The following TMEFF2 variants were observed in gnomAD, a reference collection of about 807,000 sequenced individuals.
TMEFF2 encodes the protein tomoregulin-2.
A neutral mutation model predicts 53.8 loss-of-function variants in TMEFF2; 28 were observed. The ratio of observed to expected loss-of-function variants is 0.52; its 90% CI spans 0.39 to 0.71. The LOEUF (loss-of-function observed/expected upper bound fraction) is 0.71. Among genes scored for constraint, TMEFF2 ranks in the 30% least tolerant of loss-of-function variants. The probability of loss-of-function intolerance (pLI) is 0.00; values close to 1 mark genes in which losing one functional copy is unlikely to be tolerated. For missense variants in TMEFF2, 353 were observed against 455.2 expected, an observed-to-expected ratio of 0.78 and a Z score of 2.04; for synonymous variants, 162 against 166.3, an observed-to-expected ratio of 0.97 and a Z score of 0.20.
intron 9 of TMEFF2, among the ~76,000 whole-genome samples, chr2:191,952,836 G>A (rs1330621624): frequency 6.6e-6 from 1 of 152,188 alleles, no homozygotes; most frequent in Non-Finnish European, 1.5e-5. Context: ...CTGGAGAGCT[G>A]CACAAATGAA....
At chr2:191,966,791 C>T (rs548326262) in intron 7 of TMEFF2, among the ~76,000 whole-genome samples, 2 of 152,228 alleles carry the variant, frequency 1.3e-5, no homozygotes, top group South Asian at 4.1e-4. Flanking sequence ...CTAAACACCA[C>T]AATTAGCAGC....
At chr2:192,128,626 G>A (rs1247237626) in intron 4 of TMEFF2, among the ~76,000 whole-genome samples, 1 of 152,172 alleles carries the variant, frequency 6.6e-6, no homozygotes, top group Admixed American at 6.5e-5. Context: ...GGAAGAAAGT[G>A]CTGGAACAGT....
intron 5 of TMEFF2, among the ~76,000 whole-genome samples, chr2:192,000,464 C>G (rs1436035659): frequency 2.0e-5 from 3 of 152,214 alleles, no homozygotes; most frequent in Admixed American, 6.5e-5. Context: ...AACCCCCTCT[C>G]TCTAATACCA....
At chr2:192,076,558 C>G (rs975145045) in intron 4 of TMEFF2, among the ~76,000 whole-genome samples, 1 of 152,124 alleles carries the variant, frequency 6.6e-6, no homozygotes, top group Non-Finnish European at 1.5e-5. Flanking sequence ...TAAATAAAGT[C>G]CCTGTCACTA....
chr2:191,953,199 A>G (rs2105783870), intron 9 of TMEFF2, among the ~76,000 whole-genome samples: 1 of 152,274 alleles, frequency 6.6e-6, no homozygotes, highest in East Asian at 1.9e-4. Flanking sequence ...GGAAACAATT[A>G]CCTTTTGATT....
intron 7 of TMEFF2, among the ~76,000 whole-genome samples, chr2:191,972,308 CTTTT>C (rs764218539): frequency 2.7e-5 from 2 of 72,824 alleles, no homozygotes; most frequent in Non-Finnish European, 5.3e-5. Context: ...TCATGCCCAG[CTTTT>C]TTTTTTTTTT....
chr2:192,119,737 T>C (rs7570559), intron 4 of TMEFF2, among the ~76,000 whole-genome samples: 149,235 of 152,324 alleles, frequency 0.98, 73,170 homozygotes, highest in Middle Eastern at 1. Flanking sequence ...TTGTTTCTAA[T>C]GCAGCTTGAT....
chr2:192,085,504 A>G (rs949507009), intron 4 of TMEFF2, among the ~76,000 whole-genome samples: 16 of 152,186 alleles, frequency 1.1e-4, no homozygotes, highest in Non-Finnish European at 2.9e-5. Flanking sequence ...CCTTGCTCCT[A>G]AAGATGGCAA....
At chr2:192,128,096 A>G (rs941971692) in intron 4 of TMEFF2, among the ~76,000 whole-genome samples, 3 of 152,182 alleles carry the variant, frequency 2.0e-5, no homozygotes, top group Non-Finnish European at 2.9e-5. Context: ...AGTATTTTAC[A>G]TAAGTTCAGC....
intron 5 of TMEFF2, among the ~76,000 whole-genome samples, chr2:192,017,881 C>A (rs1686777130): frequency 1.3e-5 from 2 of 152,176 alleles, no homozygotes. Flanking sequence ...TTTGCTTCTA[C>A]TTGAGTTGAC....
chr2:192,194,775 G>A lies in TMEFF2; in HGVS notation c.-251C>T, dbSNP rs1008030341. On this transcript the variant is annotated 5_prime_UTR_variant, in exon 1 of 10. Coordinates refer to ENST00000272771, the MANE Select transcript of TMEFF2 (RefSeq NM_016192.4). The surrounding 1 kb of genome is among the most constrained non-coding windows in gnomAD (Gnocchi z 4.2). The stretch of plus-strand genomic sequence containing the variant: ...AGAAGCTGCGCCGGAGACGCGGGAA[G>A]CTGCTGCCATAAGGAGGGAGCTCTG... The A allele has an allele frequency of 1.7e-5, 9 of 536,644 alleles. No individual in the cohort carries two copies. The highest frequency in any genetic ancestry group is 1.3e-4 in the Admixed American group (4 of 31,024). The allele number at this position is 536,644 out of a possible 1,614,324, so 33.2% of individuals were successfully genotyped here. A position where few individuals can be genotyped will look rare whatever the true frequency, so the allele number is the denominator to read the frequency against.
intron 7 of TMEFF2, among the ~76,000 whole-genome samples, chr2:191,987,959 T>C (rs1686018153): frequency 6.6e-6 from 1 of 152,152 alleles, no homozygotes; most frequent in Admixed American, 6.5e-5. Context: ...ATCATGAGTA[T>C]AATGAAGATG....
intron 4 of TMEFF2, among the ~76,000 whole-genome samples, chr2:192,152,475 A>C (rs1690411538): frequency 6.6e-6 from 1 of 151,940 alleles, no homozygotes; most frequent in Non-Finnish European, 1.5e-5. Context: ...TCATGAAAAA[A>C]AAGGATTTGA....
intron 5 of TMEFF2, among the ~76,000 whole-genome samples, chr2:192,002,090 A>C (rs1291912156): frequency 6.6e-6 from 1 of 152,054 alleles, no homozygotes; most frequent in East Asian, 1.9e-4. Context: ...TGCTGCTGAC[A>C]TCCTTCCCCC....
chr2:192,002,527 A>C (rs536554234), intron 5 of TMEFF2, among the ~76,000 whole-genome samples: 1 of 152,130 alleles, frequency 6.6e-6, no homozygotes, highest in South Asian at 2.1e-4. Context: ...ATTTGCTAAA[A>C]TGGCTTGAAA....
chr2:192,130,067 TA>T (rs2105975791), intron 4 of TMEFF2, among the ~76,000 whole-genome samples: 1 of 152,298 alleles, frequency 6.6e-6, no homozygotes, highest in South Asian at 2.1e-4. Context: ...TTTTAAAGAC[TA>T]AAACTGTCAT....
intron 4 of TMEFF2, among the ~76,000 whole-genome samples, chr2:192,154,849 T>C (rs143508434): frequency 1.6e-3 from 243 of 152,014 alleles, no homozygotes; most frequent in African/African-American, 5.7e-3. Context: ...TTCTCATCCC[T>C]GGTCTTTGGA....
intron 4 of TMEFF2, among the ~76,000 whole-genome samples, chr2:192,059,267 T>A (rs866390171): frequency 1.1e-4 from 15 of 141,594 alleles, no homozygotes; most frequent in Non-Finnish European, 9.3e-5. Flanking sequence ...TTGGATGTCT[T>A]AAAAAAAAAA....
chr2:192,031,425 G>C (rs1326805719), intron 5 of TMEFF2: 1 of 152,084 alleles, frequency 6.6e-6, no homozygotes, highest in Non-Finnish European at 1.5e-5. Context: ...AATCAGAGCG[G>C]CAAAAATATT....
Sources: allele counts gnomAD v4.1 joint callset (sites outside exome capture counted in the v4.1 genomes callset), GRCh38; gene constraint gnomAD v4.1.1; non-coding constraint Gnocchi (gnomAD v3.1); transcripts MANE v1.5; gene names NCBI Gene and HGNC (gene_info 2026-07-23, HGNC 2026-07-21).